The following AZIN2 variants were observed in gnomAD, a reference collection of about 807,000 sequenced individuals.
The protein encoded by AZIN2 is antizyme inhibitor 2.
AZIN2 carries 28 observed loss-of-function variants against 47.8 expected under a neutral mutation model. The ratio of observed to expected loss-of-function variants is 0.59; its 90% CI spans 0.43 to 0.80. The LOEUF is 0.80. Among genes scored for constraint, AZIN2 ranks in the 30% least tolerant of loss-of-function variants. AZIN2 has a pLI of 0.00. For missense variants in AZIN2, 535 were observed against 582.5 expected (o/e 0.92, Z 0.84); for synonymous variants, 221 against 239.4 (o/e 0.92, Z 0.71).
At chr1:33,127,584 C>T (rs1450012940), downstream of AZIN2, among the ~76,000 whole-genome samples, 1 of 152,148 alleles carries the variant, frequency 6.6e-6, no homozygotes, top group Non-Finnish European at 1.5e-5. Context: ...GGAAAAAGGC[C>T]CAGGGTAACA....
At chr1:33,147,880 C>T in the AZIN2 span, among the ~76,000 whole-genome samples, 2 of 152,206 alleles carry the variant, frequency 1.3e-5, no homozygotes, top group African/African-American at 4.8e-5. The surrounding 1 kb of genome is among the most constrained non-coding windows in gnomAD (Gnocchi z 8.1). Flanking sequence ...CTCTGGGCCT[C>T]ATCTTCCTCC....
intron 10 of AZIN2, among the ~76,000 whole-genome samples, chr1:33,108,835 A>T (rs537616053): frequency 7.9e-5 from 12 of 152,302 alleles, no homozygotes; most frequent in African/African-American, 2.9e-4. Context: ...ATAAACATCT[A>T]TGTGTAAGTT....
At chr1:33,102,522 C>T (rs1643782087) in intron 10 of AZIN2, among the ~76,000 whole-genome samples, 1 of 152,158 alleles carries the variant, frequency 6.6e-6, no homozygotes, top group African/African-American at 2.4e-5. Context: ...GCTGGTCCTC[C>T]TCTGTTTTCA....
At chr1:33,141,997 G>A in the AZIN2 span, 3 of 152,592 alleles carry the variant, frequency 2.0e-5, no homozygotes, top group South Asian at 4.1e-4. Context: ...CCTCCCTTTT[G>A]TGGTTCAGGA....
At chr1:33,156,335 G>A in the AZIN2 span, among the ~76,000 whole-genome samples, 7 of 152,096 alleles carry the variant, frequency 4.6e-5, no homozygotes, top group Admixed American at 4.6e-4. Flanking sequence ...CCAGGCTTTG[G>A]CCCCTACTGC....
chr1:33,147,813 G>A, the AZIN2 span: 1 of 1,489,762 alleles, frequency 6.7e-7, no homozygotes, highest in African/African-American at 1.4e-5. The surrounding 1 kb of genome is among the most constrained non-coding windows in gnomAD (Gnocchi z 8.1). Context: ...GCAGAGTTCT[G>A]GTTGGTACGC....
At position 33,118,489 on chromosome 1, in the gene AZIN2, C is replaced by T. The variant is rs635088; in HGVS notation, c.1244+373C>T. 544 of 177,376 alleles carry T rather than the reference C, an allele frequency of 3.1e-3. 2 individuals are homozygous for T. The highest frequency in any genetic ancestry group is 0.012 in the African/African-American group (519 of 42,374). 11.0% of individuals were successfully genotyped at this position (177,376 alleles called of 1,614,324 possible). A position where few individuals can be genotyped will look rare whatever the true frequency, so the allele number is the denominator to read the frequency against. ...GAGCAAGTGTGGTGCATTCAAGGCT[C>T]GCATGGAGAGTGGCTGTGACTGCAG... On this transcript the variant is annotated intron_variant, in intron 11 of 11. Transcript: ENST00000294517.
Position 33,120,472 on chromosome 1 carries a change from C to T in AZIN2, c.*290C>T, listed in dbSNP as rs1020809825. ...GTGTTCTTGGGGTCTCCTTTGGTCT[C>T]CTTCCCACCTTTGTAAATATAATGC... On this transcript the variant is annotated 3_prime_UTR_variant, in exon 12 of 12. Coordinates refer to ENST00000294517, the MANE Select transcript of AZIN2 (RefSeq NM_052998.4). The T allele has an allele frequency of 2.1e-5, 8 of 381,446 alleles. No homozygotes were observed. The highest frequency in any genetic ancestry group is 1.7e-4 in the African/African-American group (8 of 48,294). The allele number at this position is 381,446 out of a possible 1,614,324, so 23.6% of individuals were successfully genotyped here.
At chr1:33,138,635 A>AG in the AZIN2 span, among the ~76,000 whole-genome samples, 2 of 147,370 alleles carry the variant, frequency 1.4e-5, no homozygotes, top group African/African-American at 2.4e-5. Flanking sequence ...ACAAAAAAAA[A>AG]AAAAAAAAAA....
the AZIN2 span, among the ~76,000 whole-genome samples, chr1:33,133,876 CTGGG>C: frequency 2.0e-5 from 3 of 152,206 alleles, no homozygotes; most frequent in African/African-American, 7.2e-5. Context: ...TTAGAAGGTG[CTGGG>C]TACTTGCTTG....
rs745840314 is a variant in AZIN2 at position 33,120,055 on chromosome 1, G to T, written c.1256G>T (p.Arg419Leu). ...AMSRVAWEALRRQLMAAEQED... is the reference protein window; with the variant it reads ...AMSRVAWEALLRQLMAAEQED... ...TCTCTCACCCCTAGGGAAGCGCTGC[G>T]AAGGCAGCTGATGGCTGCAGAACAG... The change falls in exon 12 of 12, where the codon CGA becomes CTA. Residue 419 changes from arginine to leucine, a missense_variant. Arg to Leu is a moderately radical substitution (Grantham distance 102). Transcript: ENST00000294517. 138 of 1,613,932 alleles carry T rather than the reference G, an allele frequency of 8.6e-5. 2 individuals carry two copies. In the South Asian group the frequency reaches 1.5e-3, roughly 17 times the overall value.
the AZIN2 span, chr1:33,159,947 G>A: frequency 6.2e-7 from 1 of 1,600,816 alleles, no homozygotes; most frequent in South Asian, 1.1e-5. The surrounding 1 kb of genome is among the most constrained non-coding windows in gnomAD (Gnocchi z 4.2). Flanking sequence ...GTGGAAGACT[G>A]TGGGGGACAG....
At chr1:33,149,496 C>T in the AZIN2 span, among the ~76,000 whole-genome samples, 2 of 152,028 alleles carry the variant, frequency 1.3e-5, no homozygotes, top group African/African-American at 4.8e-5. Flanking sequence ...ACTCTGCCAC[C>T]CAGGCTGGAG....
At chr1:33,159,659 C>T in the AZIN2 span, 41 of 1,586,858 alleles carry the variant, frequency 2.6e-5, no homozygotes, top group East Asian at 2.5e-4. The surrounding 1 kb of genome is among the most constrained non-coding windows in gnomAD (Gnocchi z 4.2). Flanking sequence ...GATGGTCAGC[C>T]GGGGAGGGCC....
the AZIN2 span, among the ~76,000 whole-genome samples, chr1:33,130,285 A>G: frequency 6.6e-6 from 1 of 152,228 alleles, no homozygotes; most frequent in Non-Finnish European, 1.5e-5. Context: ...CCCGTTGAGT[A>G]TGGATGGAAT....
the AZIN2 span, chr1:33,165,257 C>T: frequency 6.2e-6 from 3 of 483,734 alleles, no homozygotes; most frequent in East Asian, 1.1e-4. The surrounding 1 kb of genome is among the most constrained non-coding windows in gnomAD (Gnocchi z 4.0). Context: ...CACATCCTTG[C>T]CGCCAGTCAT....
chr1:33,119,900 G>A, intron 11 of AZIN2, 144 bp from the exon 12 acceptor site: 1 of 1,089,464 alleles, frequency 9.2e-7, no homozygotes, highest in Non-Finnish European at 1.3e-6. Context: ...CAGTTGGGGA[G>A]GGGTCAGCAG....
chr1:33,125,163 C>T (rs1346424197), downstream of AZIN2, among the ~76,000 whole-genome samples: 2 of 152,176 alleles, frequency 1.3e-5, no homozygotes, highest in African/African-American at 2.4e-5. Context: ...AGGAAACCCA[C>T]CTGCCCAAGC....
At chr1:33,148,108 G>A in the AZIN2 span, among the ~76,000 whole-genome samples, 1 of 152,256 alleles carries the variant, frequency 6.6e-6, no homozygotes, top group East Asian at 1.9e-4. Context: ...CCCCCTAGGG[G>A]GAATGGGGAA....
Sources: allele counts gnomAD v4.1 joint callset (sites outside exome capture counted in the v4.1 genomes callset), GRCh38; gene constraint gnomAD v4.1.1; non-coding constraint Gnocchi (gnomAD v3.1); transcripts MANE v1.5; gene names NCBI Gene and HGNC (gene_info 2026-07-23, HGNC 2026-07-21).